The following LILRB4 variants were observed in gnomAD, a reference collection of about 807,000 sequenced individuals.
LILRB4 encodes leukocyte immunoglobulin-like receptor subfamily B member 4.
A neutral mutation model predicts 55.2 loss-of-function variants in LILRB4; 49 were observed. The observed-to-expected ratio is 0.89, with a 90% CI of 0.71 to 1.13. The LOEUF (loss-of-function observed/expected upper bound fraction) is 1.13, where lower values mean the gene tolerates loss of function less well. LILRB4 is among the 50% of genes most tolerant of loss of function. The probability of loss-of-function intolerance (pLI) is 0.00; values close to 1 mark genes in which losing one functional copy is unlikely to be tolerated. For missense variants in LILRB4, 590 were observed against 555.2 expected, an observed-to-expected ratio of 1.06 and a Z score of -0.63; for synonymous variants, 229 against 213.8, an observed-to-expected ratio of 1.07 and a Z score of -0.62.
Position 54,665,533 on chromosome 19 carries a change from T to C in LILRB4, c.758-282T>C, listed in dbSNP as rs1433427322. Among the ~76,000 whole-genome samples, 2 of 152,108 alleles carry C rather than the reference T, an allele frequency of 1.3e-5. No homozygotes were observed. Among genetic ancestry groups the C allele is most frequent in the African/African-American group, 4.8e-5 (2 of 41,430 alleles). On this transcript the variant is annotated intron_variant, in intron 6 of 11. Transcript: ENST00000430952. This position sits in a 1 kb window ranked among gnomAD's most constrained non-coding sequence, Gnocchi z 5.5. Reference sequence around the variant, plus strand: ...GCTCTTTCCCTGCAACTCTGGGGCTTGGCTCTGGTGCAGGAACAAGGGCTG... The same window carrying C: ...GCTCTTTCCCTGCAACTCTGGGGCTCGGCTCTGGTGCAGGAACAAGGGCTG...
chr19:54,664,241 A>G, exon 4 of LILRB4: 1 of 1,614,104 alleles, frequency 6.2e-7, no homozygotes, highest in Non-Finnish European at 8.5e-7. Flanking sequence ...TGACCTCAGG[A>G]AAGAGCGTGA....
exon 1 of LILRB4, chr19:54,663,057 G>A: frequency 1.2e-6 from 2 of 1,613,718 alleles, no homozygotes; most frequent in Non-Finnish European, 8.5e-7. Flanking sequence ...TCACGGCTCT[G>A]CTCTGCCTCG....
At chr19:54,664,561 G>A (rs2065180600) in intron 4 of LILRB4, 76 bp downstream of exon 4, 1 of 1,462,366 alleles carries the variant, frequency 6.8e-7, no homozygotes, top group Non-Finnish European at 9.3e-7. Flanking sequence ...CTCTGGGCAG[G>A]GATGGAGGGA....
chr19:54,663,056 T>C (rs750826639), exon 1 of LILRB4: 1 of 1,613,592 alleles, frequency 6.2e-7, no homozygotes. Flanking sequence ...TTCACGGCTC[T>C]GCTCTGCCTC....
At chr19:54,667,282 A>G (rs11574582) in intron 10 of LILRB4, 96,921 of 569,514 alleles carry the variant, frequency 0.17, 7,234 homozygotes, top group Non-Finnish European at 0.2. Flanking sequence ...CTGAATGGAA[A>G]GGGAGGGCTG....
rs761993838 is a variant in LILRB4, at chr19:54,664,474, T to G, written c.644T>G (p.Leu215Arg). The G allele has an allele frequency of 1.1e-5, 18 of 1,602,810 alleles. No homozygotes were observed. The East Asian group carries it at 4.0e-4, about 36-fold the overall frequency. The change falls in exon 4 of 12, where the codon CTC becomes CGC. Residue 215 changes from leucine (L) to arginine (R), a missense_variant. Transcript: ENST00000430952. Reference sequence around the variant, plus strand: ...TCACACCCCAGTGACCCCCTGGAGCTCATAGTCTCAGGTGAGGCTCCTGAC... The same window carrying G: ...TCACACCCCAGTGACCCCCTGGAGCGCATAGTCTCAGGTGAGGCTCCTGAC...
chr19:54,663,835 G>A, exon 3 of LILRB4: 1 of 1,614,164 alleles, frequency 6.2e-7, no homozygotes, highest in Non-Finnish European at 8.5e-7. Flanking sequence ...TGGTGTCAGG[G>A]GACCCTGGAG....
chr19:54,667,958 C>A (rs770996976), exon 12 of LILRB4: 2 of 1,614,090 alleles, frequency 1.2e-6, no homozygotes, highest in Non-Finnish European at 1.7e-6. Flanking sequence ...GAGCCTCCTC[C>A]ATCCCAGGAA....
exon 5 of LILRB4, chr19:54,664,839 C>T: frequency 6.8e-6 from 11 of 1,611,754 alleles, no homozygotes; most frequent in Non-Finnish European, 9.3e-6. Flanking sequence ...CAAGGTCCGT[C>T]TCAACAGCTG....
rs769135058 is a variant in LILRB4, at chr19:54,666,688, C to T, written c.989-9C>T. The T allele has an allele frequency of 6.2e-7, 1 of 1,613,782 alleles. No homozygotes were observed. Among genetic ancestry groups the T allele is most frequent in the Non-Finnish European group, 8.5e-7 (1 of 1,179,816 alleles). The stretch of plus-strand genomic sequence containing the variant: ...CCCAGGAGATGAACCCCTTGCTCTA[C>T]CCCAGCAGGTGCTGCCGTGAAGAAC... On this transcript the variant is annotated splice_polypyrimidine_tract_variant and intron_variant, in intron 9 of 11. Transcript: ENST00000430952. The surrounding 1 kb of genome is among the most constrained non-coding windows in gnomAD (Gnocchi z 4.8).
At chr19:54,663,798 A>G in exon 3 of LILRB4, 2 of 1,614,042 alleles carry the variant, frequency 1.2e-6, no homozygotes, top group East Asian at 2.2e-5. Flanking sequence ...AGGCTCTGTG[A>G]TCAGCTGGGG....
In LILRB4 at chr19:54,665,849, C is replaced by G. The variant is rs2065239067; in HGVS notation, c.792C>G (p.Val264=). Residue 264 remains valine, a synonymous_variant, in exon 7 of 12, where the codon GTC becomes GTG. Coordinates refer to ENST00000430952, the Ensembl canonical transcript of LILRB4. This position sits in a 1 kb window ranked among gnomAD's most constrained non-coding sequence, Gnocchi z 5.5. ...GGCACTGGGAGGTACTGATCGGGGT[C>G]TTGGTGGTCTCCATCCTGCTTCTCT... 6.2e-7 allele frequency: 1 copy of G among 1,613,344 alleles called. No individual in the cohort carries two copies.
At chr19:54,667,461 G>A (rs2065335386) in intron 10 of LILRB4, 174 bp from the exon 11 acceptor site, 3 of 1,308,202 alleles carry the variant, frequency 2.3e-6, no homozygotes, top group African/African-American at 1.5e-5. Context: ...TCAGAGTGAG[G>A]AGCAGAGACC....
chr19:54,664,318 C>A (rs2065164731), exon 4 of LILRB4: 5 of 1,614,020 alleles, frequency 3.1e-6, no homozygotes, highest in Non-Finnish European at 4.2e-6. Flanking sequence ...GCAGCCCATC[C>A]CCTACTGCAT....
chr19:54,663,080 G>C lies in LILRB4; in HGVS notation c.34+13G>C. 1.2e-6 allele frequency: 2 copies of C among 1,606,980 alleles called. No individual in the cohort carries two copies. The highest frequency in any genetic ancestry group is 1.7e-6 in the Non-Finnish European group (2 of 1,175,644). On this transcript the variant is annotated intron_variant, in intron 1 of 11. Coordinates refer to ENST00000430952, the Ensembl canonical transcript of LILRB4. The stretch of plus-strand genomic sequence containing the variant: ...CTGCTCTGCCTCGGTGAGATTTAAA[G>C]AGGGGGAGGGGAGACCCGAGTCTTG...
exon 12 of LILRB4, chr19:54,668,340 T>C: frequency 3.4e-6 from 1 of 290,822 alleles, no homozygotes; most frequent in Non-Finnish European, 6.4e-6. Context: ...GAGCTTCTAA[T>C]GAGGACAAAC....
Position 54,666,303 on chromosome 19 carries a change from G to GC in LILRB4, c.940dup (p.Leu314ProfsTer10), listed in dbSNP as rs1368509106. On this transcript the variant is annotated frameshift_variant, in exon 8 of 12. Transcript: ENST00000430952. LOFTEE classifies it high-confidence loss of function. This position sits in a 1 kb window ranked among gnomAD's most constrained non-coding sequence, Gnocchi z 4.8. ...GCCGAGCCAGAGCCCAAGGACGGGG[G>GC]CCTACAGAGGAGGTAATTCTGCCCA... 10 of 1,610,156 alleles carry GC rather than the reference G, an allele frequency of 6.2e-6. No homozygotes were observed. The highest frequency in any genetic ancestry group is 7.6e-6 in the Non-Finnish European group (9 of 1,177,860).
chr19:54,667,109 T>C (rs2065313627), intron 10 of LILRB4: 1 of 598,696 alleles, frequency 1.7e-6, no homozygotes, highest in Non-Finnish European at 3.2e-6. Context: ...GGGCTCCCCA[T>C]GGGAGCTGCA....
At chr19:54,664,193 C>T in exon 4 of LILRB4, 1 of 1,612,786 alleles carries the variant, frequency 6.2e-7, no homozygotes, top group Non-Finnish European at 8.5e-7. Context: ...TAGGAGCCTA[C>T]AGTAAACCCA....
Sources: allele counts gnomAD v4.1 joint callset (sites outside exome capture counted in the v4.1 genomes callset), GRCh38; gene constraint gnomAD v4.1.1; non-coding constraint Gnocchi (gnomAD v3.1); transcripts MANE v1.5; gene names NCBI Gene and HGNC (gene_info 2026-07-23, HGNC 2026-07-21).